Variants in ITGAM observed in about 807,000 individuals in gnomAD.
ITGAM encodes the protein integrin subunit alpha M, also known as integrin alpha-M.
In ITGAM, 79 loss-of-function variants were observed where a neutral mutation model predicts 137.5. The observed-to-expected ratio is 0.57, with a 90% CI of 0.48 to 0.69. The LOEUF is 0.69. Ranked by LOEUF, ITGAM falls within the 30% of genes least tolerant of loss-of-function variation. The probability of loss-of-function intolerance (pLI) is 0.00; values close to 1 mark genes in which losing one functional copy is unlikely to be tolerated. For missense variants in ITGAM, 1,343 were observed against 1,483.5 expected, an observed-to-expected ratio of 0.91 and a Z score of 1.56; for synonymous variants, 583 against 592.3, an observed-to-expected ratio of 0.98 and a Z score of 0.23.
In ITGAM at chr16:31,303,800, T is replaced by C. The variant is rs117640670; in HGVS notation, c.1707+5846T>C. Among the ~76,000 whole-genome samples, 51 of 152,360 alleles carry C rather than the reference T, an allele frequency of 3.3e-4. 2 individuals are homozygous for C. In the East Asian group the frequency reaches 9.6e-3, roughly 29 times the overall value. ...GTTCCTTTTTATGGCTGGGTAGTAC[T>C]CTGTGTATATATACACATATACACA... is the stretch of plus-strand genomic sequence containing the variant. On this transcript the variant is annotated intron_variant, in intron 14 of 29. Coordinates refer to ENST00000544665, the MANE Select transcript of ITGAM (RefSeq NM_000632.4).
chr16:31,325,576 G>A lies in ITGAM; in HGVS notation c.2582G>A (p.Ser861Asn), dbSNP rs758890635. The change falls in exon 21 of 30, where the codon AGC becomes AAC. Residue 861 changes from serine to asparagine, a missense_variant. Ser to Asn is a conservative substitution (Grantham distance 46). Coordinates refer to ENST00000544665, the MANE Select transcript of ITGAM (RefSeq NM_000632.4). ...ACCGAAGTGTCTGGGGCCTTGAAGA[G>A]CACCAGCTGCAGCATAAACCACCCC... The part of the protein sequence containing the change: ...SSTEVSGALK[S>N]TSCSINHPIF... 1.2e-6 allele frequency: 2 copies of A among 1,613,818 alleles called. No individual in the cohort carries two copies. The highest frequency in any genetic ancestry group is 1.3e-5 in the African/African-American group (1 of 74,900).
intron 14 of ITGAM, among the ~76,000 whole-genome samples, chr16:31,309,793 G>A (rs558258699): frequency 8.5e-4 from 129 of 152,294 alleles, no homozygotes; most frequent in African/African-American, 2.9e-3. Context: ...GCTGGTACCG[G>A]CTGTTCCTTT....
chr16:31,271,399 CT>C (rs1256001256), intron 6 of ITGAM, among the ~76,000 whole-genome samples: 1 of 152,226 alleles, frequency 6.6e-6, no homozygotes, highest in Non-Finnish European at 1.5e-5. Context: ...TTCTCTCAGG[CT>C]GGAGTGCAGT....
intron 14 of ITGAM, among the ~76,000 whole-genome samples, chr16:31,319,741 TCTC>T (rs1317238744): frequency 6.6e-6 from 1 of 152,220 alleles, no homozygotes; most frequent in Admixed American, 6.5e-5. Flanking sequence ...CCTCTTTTCT[TCTC>T]TTGCTGTCTT....
chr16:31,266,183 C>A, intron 5 of ITGAM, 36 bp downstream of exon 5: 2 of 1,441,836 alleles, frequency 1.4e-6, no homozygotes, highest in Non-Finnish European at 9.7e-7. Flanking sequence ...AGATGCGCAG[C>A]AAAAGACCAG....
At chr16:31,290,584 C>T (rs1193813534) in intron 12 of ITGAM, among the ~76,000 whole-genome samples, 1 of 152,022 alleles carries the variant, frequency 6.6e-6, no homozygotes, top group Non-Finnish European at 1.5e-5. Context: ...AGGGAACTTC[C>T]TCAAGCTGAA....
At chr16:31,321,648 C>G in intron 16 of ITGAM, 21 bp downstream of exon 16, 1 of 1,610,750 alleles carries the variant, frequency 6.2e-7, no homozygotes, top group Non-Finnish European at 8.5e-7. Context: ...GTGGATGAGT[C>G]TCAAGAGGTT....
intron 24 of ITGAM, among the ~76,000 whole-genome samples, 170 bp from the exon 25 acceptor site, chr16:31,329,628 A>T (rs1174940776): frequency 6.6e-6 from 1 of 152,072 alleles, no homozygotes; most frequent in African/African-American, 2.4e-5. Context: ...CTAGGACTGG[A>T]GACCAGGCCG....
At chr16:31,282,418 A>C (rs914141165) in intron 12 of ITGAM, among the ~76,000 whole-genome samples, 1 of 152,152 alleles carries the variant, frequency 6.6e-6, no homozygotes, top group East Asian at 1.9e-4. Context: ...CTGGGTGCAT[A>C]TATACTTAGG....
intron 29 of ITGAM, 42 bp from the exon 30 acceptor site, chr16:31,331,594 C>A: frequency 6.6e-7 from 1 of 1,506,168 alleles, no homozygotes; most frequent in Non-Finnish European, 9.1e-7. Context: ...GCCGCACGCT[C>A]CCTGGCTGCT....
At position 31,329,779 on chromosome 16, in the gene ITGAM, C is replaced by G; in HGVS notation, c.2869-19C>G. ...GGGGGAGGAAGGCCAGAGCCCTGAC[C>G]CCGCCCTCCCCGGTGCAGGTCAGCA... On this transcript the variant is annotated intron_variant, in intron 24 of 29. Transcript: ENST00000544665. 1 of 1,545,444 alleles carries G rather than the reference C, an allele frequency of 6.5e-7. No individual in the cohort carries two copies. The highest frequency in any genetic ancestry group is 8.8e-7 in the Non-Finnish European group (1 of 1,142,524).
chr16:31,297,707 C>T (rs373810428), intron 13 of ITGAM, 38 bp from the exon 14 acceptor site: 38 of 1,584,876 alleles, frequency 2.4e-5, no homozygotes, highest in South Asian at 5.7e-5. Flanking sequence ...GTGGAGGGGT[C>T]GCCTGGGTTG....
rs187999249 is a variant in ITGAM at position 31,308,920 on chromosome 16, C to A, written c.1707+10966C>A. 1.8e-4 allele frequency among the ~76,000 whole-genome samples: 26 copies of A among 140,770 alleles called. No homozygotes were observed. In the Middle Eastern group the frequency reaches 0.01, roughly 56 times the overall value. The allele number at this position is 140,770 out of a possible 152,430, so 92.4% of individuals were successfully genotyped here. A position where few individuals can be genotyped will look rare whatever the true frequency, so the allele number is the denominator to read the frequency against. On this transcript the variant is annotated intron_variant, in intron 14 of 29. Coordinates refer to ENST00000544665, the MANE Select transcript of ITGAM (RefSeq NM_000632.4). The stretch of plus-strand genomic sequence containing the variant: ...TCATTTTGTTATGTACCCAGTAGTC[C>A]TTCAGGAGCAGGTTGTTCAGTTTCC...
chr16:31,319,480 C>T (rs1157033165), intron 14 of ITGAM, among the ~76,000 whole-genome samples: 1 of 152,102 alleles, frequency 6.6e-6, no homozygotes, highest in African/African-American at 2.4e-5. Flanking sequence ...ATTAGCATGT[C>T]ATCCTGCTCT....
At chr16:31,282,372 C>G (rs2079979111) in intron 12 of ITGAM, among the ~76,000 whole-genome samples, 1 of 152,122 alleles carries the variant, frequency 6.6e-6, no homozygotes, top group African/African-American at 2.4e-5. Flanking sequence ...GTGTAGGTCA[C>G]TAAGCACTTG....
intron 14 of ITGAM, 59 bp downstream of exon 14, chr16:31,298,013 A>G: frequency 1.4e-6 from 2 of 1,382,958 alleles, no homozygotes; most frequent in South Asian, 2.3e-5. Context: ...CTTTCTCCTA[A>G]TTCAGTGTGC....
At chr16:31,298,204 C>CA (rs61202942) in intron 14 of ITGAM, among the ~76,000 whole-genome samples, 16,971 of 76,702 alleles carry the variant, frequency 0.22, 1,684 homozygotes, top group African/African-American at 0.32. Flanking sequence ...CCCATCTCTC[C>CA]AAAAAAAAAA....
chr16:31,276,538 A>C (rs2079907804), intron 9 of ITGAM, 133 bp from the exon 10 acceptor site: 1 of 642,082 alleles, frequency 1.6e-6, no homozygotes, highest in African/African-American at 1.8e-5. Context: ...CACCATGTTC[A>C]CCAGACTGGT....
At chr16:31,330,656 G>A in intron 28 of ITGAM, 51 bp downstream of exon 28, 2 of 1,339,448 alleles carry the variant, frequency 1.5e-6, no homozygotes, top group South Asian at 1.4e-5. Context: ...GGCTGCGCTT[G>A]TGGAGATTTC....
Sources: allele counts gnomAD v4.1 joint callset (sites outside exome capture counted in the v4.1 genomes callset), GRCh38; gene constraint gnomAD v4.1.1; transcripts MANE v1.5; gene names NCBI Gene and HGNC (gene_info 2026-07-23, HGNC 2026-07-21).